AFAP1L2: variants seen among roughly 807,000 people sequenced by gnomAD.
AFAP1L2 encodes actin filament associated protein 1 like 2.
Under a neutral mutation model 99.3 loss-of-function variants are expected in AFAP1L2, and 46 were observed. The ratio of observed to expected loss-of-function variants is 0.46; its 90% CI spans 0.37 to 0.59. The LOEUF is 0.59. Ranked by LOEUF, AFAP1L2 falls within the 20% of genes least tolerant of loss-of-function variation. The pLI is 0.00. For synonymous variants in AFAP1L2, 397 were observed against 419.1 expected (o/e 0.95, Z 0.64); for missense variants, 959 against 1,034.9 (o/e 0.93, Z 1.01).
At position 114,366,395 on chromosome 10, in the gene AFAP1L2, G is replaced by A. The variant is rs182708892; in HGVS notation, c.17-25664C>T. 2.5e-3 allele frequency among the ~76,000 whole-genome samples: 379 copies of A among 152,200 alleles called. 2 individuals are homozygous for A. The highest frequency in any genetic ancestry group is 8.7e-3 in the African/African-American group (362 of 41,524). On this transcript the variant is annotated intron_variant, in intron 1 of 18. Transcript: ENST00000304129. The stretch of plus-strand genomic sequence containing the variant: ...GATGATCAATGGAAGGGCAGTGCAG[G>A]ACCCACTGGCTGTGACCATGTTATT...
intron 3 of AFAP1L2, 103 bp downstream of exon 3, chr10:114,333,116 CTG>C: frequency 9.5e-7 from 1 of 1,057,418 alleles, no homozygotes; most frequent in East Asian, 2.5e-5. Flanking sequence ...CCAGGCGGGT[CTG>C]TGTGCCGGCT....
At chr10:114,330,519 C>G (rs1043827130) in intron 4 of AFAP1L2, among the ~76,000 whole-genome samples, 1 of 152,244 alleles carries the variant, frequency 6.6e-6, no homozygotes, top group Non-Finnish European at 1.5e-5. Context: ...ACTTACCTCA[C>G]TGAATACTAG....
At chr10:114,344,396 C>T (rs1206180906) in intron 1 of AFAP1L2, among the ~76,000 whole-genome samples, 1 of 152,118 alleles carries the variant, frequency 6.6e-6, no homozygotes, top group East Asian at 1.9e-4. Flanking sequence ...TGCATTTTTC[C>T]TGACTTCTGA....
chr10:114,330,612 T>C (rs2047096461), intron 4 of AFAP1L2, among the ~76,000 whole-genome samples: 1 of 152,218 alleles, frequency 6.6e-6, no homozygotes, highest in South Asian at 2.1e-4. Flanking sequence ...GATGTGAGCA[T>C]TTCTTCCATA....
At chr10:114,386,082 G>A (rs1406009342) in intron 1 of AFAP1L2, among the ~76,000 whole-genome samples, 7 of 152,204 alleles carry the variant, frequency 4.6e-5, no homozygotes, top group Admixed American at 2.6e-4. Context: ...CCACCATCCA[G>A]TAGTAACAGC....
At chr10:114,319,592 C>T (rs761210820) in intron 5 of AFAP1L2, 61 of 1,289,542 alleles carry the variant, frequency 4.7e-5, no homozygotes, top group Admixed American at 2.5e-4. Context: ...ATGACTCCTT[C>T]GGGCACCTGC....
chr10:114,376,185 A>G (rs889324077), intron 1 of AFAP1L2, among the ~76,000 whole-genome samples: 2 of 152,186 alleles, frequency 1.3e-5, no homozygotes, highest in African/African-American at 2.4e-5. Flanking sequence ...AGACTGTGAG[A>G]TCTTCCAGGG....
At chr10:114,389,785 T>G (rs543593795) in intron 1 of AFAP1L2, among the ~76,000 whole-genome samples, 2 of 152,332 alleles carry the variant, frequency 1.3e-5, no homozygotes, top group South Asian at 4.1e-4. Context: ...TATCACAGCT[T>G]CATGAGAACT....
At position 114,296,006 on chromosome 10, in the gene AFAP1L2, A is replaced by G. The variant is rs768318016; in HGVS notation, c.*36T>C. On this transcript the variant is annotated 3_prime_UTR_variant, in exon 19 of 19. Transcript: ENST00000304129. ...CAAAGCAGGATTGTCACCAAGGTCCACATTGACATGAGAGTCTTTAGATGA... is the reference window on the plus strand; with the variant it reads ...CAAAGCAGGATTGTCACCAAGGTCCGCATTGACATGAGAGTCTTTAGATGA... 1 of 1,614,146 alleles carries G rather than the reference A, an allele frequency of 6.2e-7. No homozygotes were observed. Among genetic ancestry groups the G allele is most frequent in the Non-Finnish European group, 8.5e-7 (1 of 1,179,986 alleles).
At chr10:114,294,809 T>C, downstream of AFAP1L2, 1 of 983,152 alleles carries the variant, frequency 1.0e-6, no homozygotes, top group Non-Finnish European at 1.2e-6. Flanking sequence ...AGTCATTTCA[T>C]GAACTGAGGA....
chr10:114,340,600 C>T lies in AFAP1L2; in HGVS notation c.145+3G>A, dbSNP rs538282047. ...CTCTGCACCACCCAGGGCCCACACT[C>T]ACTGCTGCTTTTGGTGTAAAGCCGG... On this transcript the variant is annotated splice_donor_region_variant and intron_variant, in intron 2 of 18. Coordinates refer to ENST00000304129, the MANE Select transcript of AFAP1L2 (RefSeq NM_001001936.3). 111 of 1,613,658 alleles carry T rather than the reference C, an allele frequency of 6.9e-5. 1 individual carries two copies. In the South Asian group the frequency reaches 1.1e-3, roughly 16 times the overall value.
At chr10:114,289,396 AG>A in the AFAP1L2 span, 10 of 1,614,154 alleles carry the variant, frequency 6.2e-6, no homozygotes, top group Non-Finnish European at 8.5e-6. Context: ...GGGTCTGCGG[AG>A]GCTTGCAGGT....
At chr10:114,363,253 GC>G in intron 1 of AFAP1L2, 1 of 864,298 alleles carries the variant, frequency 1.2e-6, no homozygotes, top group Non-Finnish European at 1.4e-6. Flanking sequence ...TGGTCCTTGA[GC>G]CCACCGGCTT....
At chr10:114,311,632 A>G (rs1339603998) in intron 7 of AFAP1L2, among the ~76,000 whole-genome samples, 1 of 152,204 alleles carries the variant, frequency 6.6e-6, no homozygotes, top group Non-Finnish European at 1.5e-5. Flanking sequence ...GGGCAGGCAC[A>G]TGGATTACCA....
At chr10:114,343,287 C>A (rs1036758615) in intron 1 of AFAP1L2, among the ~76,000 whole-genome samples, 1 of 152,204 alleles carries the variant, frequency 6.6e-6, no homozygotes, top group Non-Finnish European at 1.5e-5. Flanking sequence ...GAAACCTGGA[C>A]CCCAGCAACT....
At chr10:114,286,436 G>A in the AFAP1L2 span, 156 of 1,613,108 alleles carry the variant, frequency 9.7e-5, no homozygotes, top group Non-Finnish European at 1.3e-4. Context: ...GCATGTGATG[G>A]TCTACTCGGA....
chr10:114,289,992 CAAAAAAAA>C, downstream of AFAP1L2: 1 of 212,392 alleles, frequency 4.7e-6, no homozygotes, highest in South Asian at 9.7e-5. Flanking sequence ...GATTCTGCCT[CAAAAAAAA>C]AAAAAAAAAA....
the AFAP1L2 span, chr10:114,285,054 C>A: frequency 2.6e-6 from 3 of 1,144,908 alleles, no homozygotes; most frequent in Non-Finnish European, 3.6e-6. Flanking sequence ...GCCCTTCCAG[C>A]TGCTGGGTAG....
intron 10 of AFAP1L2, among the ~76,000 whole-genome samples, chr10:114,305,401 G>C (rs1235728094): frequency 8.6e-6 from 1 of 115,620 alleles, no homozygotes; most frequent in East Asian, 2.7e-4. Flanking sequence ...AGGAGGGGAC[G>C]GCGCTGCAGA....
Sources: allele counts gnomAD v4.1 joint callset (sites outside exome capture counted in the v4.1 genomes callset), GRCh38; gene constraint gnomAD v4.1.1; transcripts MANE v1.5; gene names NCBI Gene and HGNC (gene_info 2026-07-23, HGNC 2026-07-21).